Variants in ACACA observed in about 807,000 individuals in gnomAD.
ACACA encodes acetyl-CoA carboxylase alpha.
In ACACA, 103 loss-of-function variants were observed where a neutral mutation model predicts 296.1. The observed-to-expected ratio is 0.35, with a 90% CI of 0.30 to 0.41. The LOEUF is 0.41. Ranked by LOEUF, ACACA falls within the 10% of genes least tolerant of loss-of-function variation. The pLI is 1.00. For synonymous variants in ACACA, 953 were observed against 1,038.6 expected (o/e 0.92, Z 1.58); for missense variants, 1,554 against 2,989.7 (o/e 0.52, Z 11.20).
intron 52 of ACACA, among the ~76,000 whole-genome samples, chr17:37,107,088 T>G (rs1344042723): frequency 1.3e-5 from 2 of 152,180 alleles, no homozygotes; most frequent in Non-Finnish European, 2.9e-5. Context: ...CCTCGTGTTA[T>G]TTCTCATCAG....
intron 1 of ACACA, among the ~76,000 whole-genome samples, chr17:37,351,132 T>A (rs1217231038): frequency 6.6e-6 from 1 of 151,768 alleles, no homozygotes; most frequent in African/African-American, 2.4e-5. Flanking sequence ...AAAGCAAGAT[T>A]GTCTCAAAAA....
chr17:37,161,745 T>C (rs1326117912), intron 42 of ACACA, 36 bp downstream of exon 42: 4 of 1,603,324 alleles, frequency 2.5e-6, no homozygotes, highest in African/African-American at 1.3e-5. Context: ...CATAACCATA[T>C]AGCACCTTGA....
chr17:37,186,623 GTT>G (rs1296640274), intron 39 of ACACA, among the ~76,000 whole-genome samples: 1 of 152,216 alleles, frequency 6.6e-6, no homozygotes, highest in Non-Finnish European at 1.5e-5. Flanking sequence ...TCAAAAGTTA[GTT>G]CCCATATGGC....
chr17:37,401,850 G>A (rs2051303744), intron 1 of ACACA, among the ~76,000 whole-genome samples: 1 of 152,050 alleles, frequency 6.6e-6, no homozygotes, highest in South Asian at 2.1e-4. Context: ...ATGAGCCACC[G>A]CACCAGGCCA....
At chr17:37,159,010 T>C (rs1263545762) in intron 42 of ACACA, among the ~76,000 whole-genome samples, 1 of 151,992 alleles carries the variant, frequency 6.6e-6, no homozygotes, top group African/African-American at 2.4e-5. Flanking sequence ...AAACCTTGTC[T>C]TTATGAAAAA....
chr17:37,101,825 A>G (rs1319547490), intron 52 of ACACA, among the ~76,000 whole-genome samples: 2 of 152,226 alleles, frequency 1.3e-5, no homozygotes, highest in East Asian at 1.9e-4. Context: ...AAGAACTAAT[A>G]CAATAATAGG....
intron 55 of ACACA, 75 bp downstream of exon 55, chr17:37,088,863 T>C (rs1285211944): frequency 6.4e-7 from 1 of 1,558,666 alleles, no homozygotes; most frequent in Admixed American, 1.7e-5. Context: ...GATCATCTCA[T>C]GATTTGTTTG....
rs190429859 is a variant in ACACA at position 37,343,610 on chromosome 17, T to C, written c.39-3760A>G. Among the ~76,000 whole-genome samples the C allele has an allele frequency of 4.8e-3, 733 of 151,860 alleles. 5 individuals carry two copies. Among genetic ancestry groups the C allele is most frequent in the Non-Finnish European group, 6.6e-3 (446 of 67,926 alleles). On this transcript the variant is annotated intron_variant, in intron 1 of 55. Coordinates refer to ENST00000616317, the MANE Select transcript of ACACA (RefSeq NM_198834.3). Reference sequence around the variant, plus strand: ...TGAAACCCCATCTCTACTAAAAATGTAAAAATTAGCCAGGCCTGGTGGCGG... The same window carrying C: ...TGAAACCCCATCTCTACTAAAAATGCAAAAATTAGCCAGGCCTGGTGGCGG...
chr17:37,119,154 A>G (rs1426158753), intron 50 of ACACA, among the ~76,000 whole-genome samples: 3 of 152,232 alleles, frequency 2.0e-5, no homozygotes, highest in African/African-American at 7.2e-5. Context: ...ATGCTGAATG[A>G]ACCTCATATA....
At chr17:37,330,898 C>T (rs2047846357) in intron 2 of ACACA, among the ~76,000 whole-genome samples, 1 of 151,894 alleles carries the variant, frequency 6.6e-6, no homozygotes. Flanking sequence ...TATTGAGAGG[C>T]TATAACTTTT....
At chr17:37,119,781 C>T (rs1306517141) in intron 50 of ACACA, among the ~76,000 whole-genome samples, 1 of 152,184 alleles carries the variant, frequency 6.6e-6, no homozygotes, top group Admixed American at 6.5e-5. Context: ...CAGGCATTTC[C>T]TCCCTCATAG....
rs773153274 is a variant in ACACA, at chr17:37,181,130, C to A, written c.4932+71G>T. The A allele has an allele frequency of 5.7e-6, 9 of 1,566,968 alleles. No homozygotes were observed. In the African/African-American group the frequency reaches 9.5e-5, roughly 17 times the overall value. On this transcript the variant is annotated intron_variant, in intron 40 of 55. Transcript: ENST00000616317. ...TGGAGTGCCCCCTTCTAGCCAAAACCGCATCTGATGGAAATTCAGGGAAAC... is the reference window on the plus strand; with the variant it reads ...TGGAGTGCCCCCTTCTAGCCAAAACAGCATCTGATGGAAATTCAGGGAAAC...
At position 37,185,459 on chromosome 17, in the gene ACACA, C is replaced by T. The variant is rs2077495964; in HGVS notation, c.4776+2818G>A. On this transcript the variant is annotated intron_variant, in intron 39 of 55. Transcript: ENST00000616317. ...AGAGACAGGGTCTTGCCTTGTTGAG[C>T]TGGCTAGTGTCAAACTCCTGGGCTC... is the stretch of plus-strand genomic sequence containing the variant. Among the ~76,000 whole-genome samples the T allele has an allele frequency of 1.6e-5, 2 of 126,364 alleles. 1 individual carries two copies. Among genetic ancestry groups the T allele is most frequent in the Non-Finnish European group, 3.1e-5 (2 of 64,364 alleles). The allele number at this position is 126,364 out of a possible 152,430, so 82.9% of individuals were successfully genotyped here. A position where few individuals can be genotyped will look rare whatever the true frequency, so the allele number is the denominator to read the frequency against.
At chr17:37,111,737 G>C in intron 51 of ACACA, 94 bp from the exon 52 acceptor site, 1 of 922,224 alleles carries the variant, frequency 1.1e-6, no homozygotes, top group Non-Finnish European at 1.8e-6. Context: ...TGTAGACCAG[G>C]AAATAGCTTC....
At chr17:37,124,415 AC>A (rs2074677042) in intron 48 of ACACA, among the ~76,000 whole-genome samples, 1 of 152,254 alleles carries the variant, frequency 6.6e-6, no homozygotes, top group Non-Finnish European at 1.5e-5. Flanking sequence ...AAAGAACTTA[AC>A]AAAGGTTTGG....
chr17:37,340,478 C>A, intron 1 of ACACA, among the ~76,000 whole-genome samples: 1 of 152,166 alleles, frequency 6.6e-6, no homozygotes, highest in East Asian at 1.9e-4. Context: ...CCTAGATCTG[C>A]TGAATCAGAA....
At chr17:37,284,696 G>A in intron 4 of ACACA, 142 bp downstream of exon 4, 1 of 977,514 alleles carries the variant, frequency 1.0e-6, no homozygotes, top group Non-Finnish European at 1.6e-6. Context: ...ATGCTAGGGA[G>A]GCAGAAAGGC....
chr17:37,195,038 T>C (rs2077929499), intron 35 of ACACA, among the ~76,000 whole-genome samples: 1 of 152,150 alleles, frequency 6.6e-6, no homozygotes, highest in Non-Finnish European at 1.5e-5. Flanking sequence ...TGGTTTTATA[T>C]AACCTAGTTT....
chr17:37,288,180 G>C (rs1006339798), intron 3 of ACACA, among the ~76,000 whole-genome samples: 14 of 151,794 alleles, frequency 9.2e-5, no homozygotes, highest in African/African-American at 3.4e-4. Flanking sequence ...TACATGTTTT[G>C]TTTCATTTTT....
Sources: gnomAD v4.1 joint callset for allele counts (sites outside exome capture counted in the v4.1 genomes callset) on GRCh38, gnomAD v4.1.1 for gene constraint, MANE v1.5 for transcripts, NCBI Gene and HGNC (gene_info 2026-07-23, HGNC 2026-07-21) for gene names.